The following HERC4 variants were observed in gnomAD, a reference collection of about 807,000 sequenced individuals.
The protein encoded by HERC4 is probable E3 ubiquitin-protein ligase HERC4.
In HERC4, 28 loss-of-function variants were observed where a neutral mutation model predicts 124.3. The observed-to-expected ratio is 0.23, with a 90% CI of 0.17 to 0.31. HERC4 has a LOEUF of 0.31. Among genes scored for constraint, HERC4 ranks in the 10% least tolerant of loss-of-function variants. The pLI is 1.00. For missense variants in HERC4, 713 were observed against 1,229.3 expected (o/e 0.58, Z 6.28); for synonymous variants, 407 against 421.5 (o/e 0.97, Z 0.42).
At chr10:67,953,078 A>G (rs1249356503) in intron 19 of HERC4, among the ~76,000 whole-genome samples, 1 of 152,134 alleles carries the variant, frequency 6.6e-6, no homozygotes, top group Non-Finnish European at 1.5e-5. Flanking sequence ...TTAAAGGAGG[A>G]TAGCCCATAC....
At chr10:67,978,777 A>AT (rs2035753602) in intron 15 of HERC4, among the ~76,000 whole-genome samples, 1 of 152,200 alleles carries the variant, frequency 6.6e-6, no homozygotes. Context: ...CTCAGAACAG[A>AT]CAAAGTTTGT....
chr10:67,934,352 A>G (rs2032135330), intron 22 of HERC4, among the ~76,000 whole-genome samples: 1 of 152,102 alleles, frequency 6.6e-6, no homozygotes, highest in African/African-American at 2.4e-5. Flanking sequence ...AGAAATATCC[A>G]TTTCCTCTAG....
chr10:67,932,216 C>T (rs374113836), intron 23 of HERC4, among the ~76,000 whole-genome samples: 32 of 152,312 alleles, frequency 2.1e-4, no homozygotes, highest in African/African-American at 7.5e-4. Context: ...CTTGGCCTCC[C>T]AAAGTCCTGG....
intron 12 of HERC4, 34 bp from the exon 13 acceptor site, chr10:67,991,049 A>G: frequency 7.3e-7 from 1 of 1,368,666 alleles, no homozygotes; most frequent in Non-Finnish European, 9.8e-7. Context: ...AAAATAGAAT[A>G]AAAATTTAAA....
At chr10:68,074,650 C>G (rs1164633505) in intron 1 of HERC4, 1 of 152,300 alleles carries the variant, frequency 6.6e-6, no homozygotes, top group Non-Finnish European at 1.5e-5. Flanking sequence ...CTGCACACAC[C>G]CAACCTCGCA....
At chr10:68,006,375 G>GTTTTTT (rs772576805) in intron 9 of HERC4, among the ~76,000 whole-genome samples, 49 of 133,982 alleles carry the variant, frequency 3.7e-4, no homozygotes, top group Non-Finnish European at 6.3e-4. Flanking sequence ...TTTTGTTTTT[G>GTTTTTT]TTTTTTTTTT....
intron 23 of HERC4, among the ~76,000 whole-genome samples, chr10:67,932,219 A>G (rs746016380): frequency 2.0e-4 from 30 of 152,200 alleles, no homozygotes; most frequent in Admixed American, 1.3e-4. Context: ...GGCCTCCCAA[A>G]GTCCTGGGGT....
intron 9 of HERC4, among the ~76,000 whole-genome samples, chr10:68,009,085 G>A (rs922183138): frequency 6.6e-6 from 1 of 152,086 alleles, no homozygotes; most frequent in Non-Finnish European, 1.5e-5. Flanking sequence ...TTAGCCAGGT[G>A]TGGTGGTGCG....
intron 3 of HERC4, chr10:68,069,685 C>T: frequency 1.0e-6 from 1 of 985,330 alleles, no homozygotes. Flanking sequence ...ATAAAGCCAA[C>T]CTATGTAAAG....
chr10:67,938,553 G>A (rs10997885), intron 21 of HERC4, among the ~76,000 whole-genome samples: 71,242 of 151,878 alleles, frequency 0.47, 20,726 homozygotes, highest in Non-Finnish European at 0.66. Context: ...GTGCCTTACC[G>A]TAATACTTAT....
At chr10:68,036,191 G>A (rs1484922059) in intron 5 of HERC4, among the ~76,000 whole-genome samples, 3 of 151,692 alleles carry the variant, frequency 2.0e-5, no homozygotes, top group Non-Finnish European at 2.9e-5. Flanking sequence ...GGTGGCAGGC[G>A]CCTGTAGTCC....
chr10:67,938,026 A>AT (rs1052616018), intron 21 of HERC4, among the ~76,000 whole-genome samples: 3 of 151,678 alleles, frequency 2.0e-5, no homozygotes, highest in Non-Finnish European at 2.9e-5. Flanking sequence ...TGAACATGCA[A>AT]TTTTTTTTGG....
intron 23 of HERC4, among the ~76,000 whole-genome samples, chr10:67,927,379 CATATATAT>C (rs768914387): frequency 2.6e-3 from 227 of 87,650 alleles, no homozygotes; most frequent in South Asian, 7.1e-3. Flanking sequence ...ATAAATACAC[CATATATAT>C]ATATATATAT....
At chr10:68,044,988 T>C (rs1004348288) in intron 3 of HERC4, among the ~76,000 whole-genome samples, 12 of 152,288 alleles carry the variant, frequency 7.9e-5, no homozygotes, top group African/African-American at 2.4e-4. Flanking sequence ...AACTGACACA[T>C]ATATTACAAT....
chr10:68,040,366 A>G (rs2133446713), intron 4 of HERC4: 2 of 946,638 alleles, frequency 2.1e-6, no homozygotes, highest in Non-Finnish European at 2.5e-6. Context: ...TTAATACCCT[A>G]AAGAATGGGG....
chr10:68,013,892 A>C, intron 9 of HERC4, 134 bp downstream of exon 9: 1 of 673,580 alleles, frequency 1.5e-6, no homozygotes, highest in Non-Finnish European at 2.4e-6. Flanking sequence ...AACCATATAC[A>C]TTGTTCTATA....
At chr10:67,992,164 G>C in intron 11 of HERC4, 35 bp downstream of exon 11, 1 of 1,602,310 alleles carries the variant, frequency 6.2e-7, no homozygotes. Flanking sequence ...TTACAGGCAT[G>C]AGCCACTGTG....
At chr10:68,028,007 T>TATAA (rs2038995005) in intron 7 of HERC4, among the ~76,000 whole-genome samples, 1 of 147,296 alleles carries the variant, frequency 6.8e-6, no homozygotes. Context: ...TATATATATA[T>TATAA]AATAAAAATA....
At chr10:68,065,681 G>GGAGACA (rs2041266341) in intron 3 of HERC4, among the ~76,000 whole-genome samples, 2 of 152,160 alleles carry the variant, frequency 1.3e-5, no homozygotes, top group South Asian at 4.1e-4. Flanking sequence ...GCAAAAGAGT[G>GGAGACA]GAACCCTGTC....
Sources: gnomAD v4.1 joint callset for allele counts (sites outside exome capture counted in the v4.1 genomes callset) on GRCh38, gnomAD v4.1.1 for gene constraint, MANE v1.5 for transcripts, NCBI Gene and HGNC (gene_info 2026-07-23, HGNC 2026-07-21) for gene names.